The following CCDC7 variants were observed in gnomAD, a reference collection of about 807,000 sequenced individuals.
The protein encoded by CCDC7 is coiled-coil domain containing 7, also known as coiled-coil domain-containing protein 7.
Under a neutral mutation model 196.9 loss-of-function variants are expected in CCDC7, and 183 were observed. That is an observed-to-expected ratio of 0.93 (90% CI 0.82 to 1.05). CCDC7 has a LOEUF of 1.05. CCDC7 is among the 50% of genes least tolerant of loss of function. The pLI is 0.00. For missense variants in CCDC7, 1,540 were observed against 1,482.2 expected (o/e 1.04, Z -0.64); for synonymous variants, 525 against 484.6 (o/e 1.08, Z -1.10).
chr10:32,549,801 T>C (rs1436589977), intron 13 of CCDC7, among the ~76,000 whole-genome samples: 1 of 152,170 alleles, frequency 6.6e-6, no homozygotes. Flanking sequence ...TACCATGCTG[T>C]TTTGGTGACT....
chr10:32,809,900 A>G (rs1192418141), intron 30 of CCDC7, among the ~76,000 whole-genome samples: 2 of 151,290 alleles, frequency 1.3e-5, no homozygotes, highest in Non-Finnish European at 2.9e-5. Context: ...AGGATTATAA[A>G]TCATGCTACT....
At chr10:32,565,536 T>C (rs1418951513) in intron 13 of CCDC7, 22 bp from the exon 15 acceptor site, 1 of 1,603,360 alleles carries the variant, frequency 6.2e-7, no homozygotes, top group Non-Finnish European at 8.5e-7. Context: ...AAATACCTTT[T>C]TTCCCCCTTC....
chr10:32,745,909 C>T (rs2074638570), intron 28 of CCDC7, among the ~76,000 whole-genome samples: 1 of 152,112 alleles, frequency 6.6e-6, no homozygotes, highest in African/African-American at 2.4e-5. Context: ...GTAGTTTCTA[C>T]TATAGATTTT....
At chr10:32,581,575 A>G (rs1438726765) in intron 16 of CCDC7, among the ~76,000 whole-genome samples, 1 of 152,052 alleles carries the variant, frequency 6.6e-6, no homozygotes, top group South Asian at 2.1e-4. Context: ...AGTAGTTTTT[A>G]TTCCTGACCC....
At chr10:32,837,589 G>T (rs2092700957) in intron 33 of CCDC7, among the ~76,000 whole-genome samples, 1 of 152,056 alleles carries the variant, frequency 6.6e-6, no homozygotes, top group Non-Finnish European at 1.5e-5. Flanking sequence ...ATACCCAAAG[G>T]ATTATAAAAC....
At chr10:32,868,036 G>A (rs899175738) in intron 41 of CCDC7, among the ~76,000 whole-genome samples, 3 of 151,694 alleles carry the variant, frequency 2.0e-5, no homozygotes, top group African/African-American at 7.3e-5. Flanking sequence ...TTTGTGGCTG[G>A]CTTATTTCAC....
At chr10:32,873,463 CTTT>C (rs1323703560) in intron 41 of CCDC7, among the ~76,000 whole-genome samples, 6 of 151,906 alleles carry the variant, frequency 3.9e-5, no homozygotes, top group Non-Finnish European at 8.8e-5. Context: ...TTTTTAACTT[CTTT>C]GCCGTGGGTT....
At chr10:32,585,324 T>C (rs955311529) in intron 18 of CCDC7, among the ~76,000 whole-genome samples, 7 of 152,160 alleles carry the variant, frequency 4.6e-5, no homozygotes, top group Non-Finnish European at 5.9e-5. Context: ...CCGCCCGCCT[T>C]GGCCTCCCAA....
At chr10:32,729,149 A>G in intron 27 of CCDC7, 152 bp downstream of exon 28, 1 of 846,248 alleles carries the variant, frequency 1.2e-6, no homozygotes. Context: ...CTAGAGAACA[A>G]AAGTAATGAT....
chr10:32,872,623 C>A (rs1001766126), intron 41 of CCDC7, among the ~76,000 whole-genome samples: 1 of 152,070 alleles, frequency 6.6e-6, no homozygotes, highest in African/African-American at 2.4e-5. Flanking sequence ...GATGCAGTTT[C>A]TTCCTAGCAT....
chr10:32,814,666 A>C (rs1272368489), intron 31 of CCDC7, among the ~76,000 whole-genome samples: 2 of 152,224 alleles, frequency 1.3e-5, no homozygotes, highest in East Asian at 3.8e-4. Context: ...GATGGATGTG[A>C]TAAGAAGATG....
chr10:32,636,470 C>T (rs989799588), intron 20 of CCDC7, among the ~76,000 whole-genome samples: 12 of 152,078 alleles, frequency 7.9e-5, no homozygotes, highest in Admixed American at 7.9e-4. Flanking sequence ...TGAGTGAGAA[C>T]ATGCGGTGTT....
intron 13 of CCDC7, among the ~76,000 whole-genome samples, chr10:32,561,364 ACC>A (rs1310647619): frequency 2.0e-5 from 3 of 152,200 alleles, no homozygotes; most frequent in African/African-American, 7.2e-5. Context: ...TCAGCACCGC[ACC>A]ACACCTATTT....
At chr10:32,553,644 A>C (rs547164558) in intron 13 of CCDC7, among the ~76,000 whole-genome samples, 1 of 152,040 alleles carries the variant, frequency 6.6e-6, no homozygotes, top group African/African-American at 2.4e-5. Context: ...TTTCCTATGG[A>C]TGTGGCTTCC....
At chr10:32,786,260 A>G (rs1473566210) in intron 29 of CCDC7, among the ~76,000 whole-genome samples, 4 of 152,234 alleles carry the variant, frequency 2.6e-5, no homozygotes, top group Non-Finnish European at 5.9e-5. Flanking sequence ...GCTTTCAGCA[A>G]TCAAAAAGAG....
At chr10:32,567,075 A>G (rs1385467111) in intron 14 of CCDC7, among the ~76,000 whole-genome samples, 2 of 145,910 alleles carry the variant, frequency 1.4e-5, no homozygotes, top group African/African-American at 5.0e-5. Flanking sequence ...AATATATAAT[A>G]TATATTATAT....
intron 30 of CCDC7, among the ~76,000 whole-genome samples, chr10:32,808,795 G>A (rs1214371568): frequency 1.5e-5 from 2 of 133,712 alleles, no homozygotes; most frequent in African/African-American, 2.7e-5. Context: ...TTGAAGAAAT[G>A]ATGGACATCA....
chr10:32,465,236 T>C (rs1482711547), intron 5 of CCDC7, among the ~76,000 whole-genome samples: 1 of 152,206 alleles, frequency 6.6e-6, no homozygotes, highest in Non-Finnish European at 1.5e-5. Flanking sequence ...TTAATGGATT[T>C]CCTATAATAA....
chr10:32,618,482 A>G (rs763797601), intron 18 of CCDC7, among the ~76,000 whole-genome samples: 2 of 152,024 alleles, frequency 1.3e-5, no homozygotes, highest in Non-Finnish European at 2.9e-5. Context: ...TTTCGGCAAG[A>G]CCAGTCCAGT....
Sources: allele counts gnomAD v4.1 joint callset (sites outside exome capture counted in the v4.1 genomes callset), GRCh38; gene constraint gnomAD v4.1.1; transcripts MANE v1.5; gene names NCBI Gene and HGNC (gene_info 2026-07-23, HGNC 2026-07-21).